USP47: variants seen among roughly 807,000 people sequenced by gnomAD.
The protein encoded by USP47 is ubiquitin carboxyl-terminal hydrolase 47.
USP47 carries 35 observed loss-of-function variants against 165.1 expected under a neutral mutation model. The observed-to-expected ratio is 0.21, with a 90% CI of 0.16 to 0.28. The LOEUF (loss-of-function observed/expected upper bound fraction) is 0.28. Ranked by LOEUF, USP47 falls within the 10% of genes least tolerant of loss-of-function variation. USP47 has a pLI of 1.00. For synonymous variants in USP47, 531 were observed against 544.5 expected (o/e 0.98, Z 0.35); for missense variants, 1,277 against 1,607.4 (o/e 0.79, Z 3.52).
At chr11:11,924,114 CATT>C (rs143537458) in intron 11 of USP47, among the ~76,000 whole-genome samples, 24,008 of 152,180 alleles carry the variant, frequency 0.16, 2,373 homozygotes, top group Admixed American at 0.34. Flanking sequence ...AGTTTCTTAT[CATT>C]GAGTGTGATG....
rs990501752 is a variant in USP47, at chr11:11,903,165, G to T, written c.740-98G>T. 3.4e-6 allele frequency: 4 copies of T among 1,192,920 alleles called. No individual in the cohort carries two copies. In the African/African-American group the frequency reaches 4.7e-5, roughly 14 times the overall value. 73.9% of individuals were successfully genotyped at this position (1,192,920 alleles called of 1,614,324 possible). On this transcript the variant is annotated intron_variant, in intron 6 of 27. Transcript: ENST00000527733. ...TTTTTTAAATTTGGCATTATTTAAG[G>T]TAGACTTCAATATTTCTGTCTATTT...
chr11:11,903,082 A>G (rs1852330507), intron 6 of USP47, among the ~76,000 whole-genome samples, 181 bp from the exon 7 acceptor site: 1 of 152,168 alleles, frequency 6.6e-6, no homozygotes, highest in Non-Finnish European at 1.5e-5. Flanking sequence ...AGAATGCTGC[A>G]ATCTATTTTC....
intron 8 of USP47, 30 bp from the exon 9 acceptor site, chr11:11,920,126 T>C: frequency 6.7e-7 from 1 of 1,498,292 alleles, no homozygotes; most frequent in African/African-American, 1.4e-5. Context: ...ATATTTTAAG[T>C]AATTATAAAA....
In USP47 at chr11:11,857,063, ATATT is replaced by A. The variant is rs543449269; in HGVS notation, c.39+14846_39+14849del. ...AAGGTTATCCACAGTGCTCCAAATA[ATATT>A]TATTTAATAAAAATAAAATATTTAA... On this transcript the variant is annotated intron_variant, in intron 1 of 27. Transcript: ENST00000527733. 5.1e-3 allele frequency among the ~76,000 whole-genome samples: 777 copies of A among 152,204 alleles called. 6 individuals are homozygous for A. The highest frequency in any genetic ancestry group is 0.018 in the African/African-American group (736 of 41,554).
chr11:11,950,556 T>G, intron 24 of USP47, 74 bp downstream of exon 24: 1 of 1,015,096 alleles, frequency 9.9e-7, no homozygotes, highest in East Asian at 2.4e-5. Context: ...TAGTTTTTAA[T>G]CAAATAATGA....
chr11:11,905,323 T>A, intron 7 of USP47, 76 bp from the exon 8 acceptor site: 3 of 1,109,574 alleles, frequency 2.7e-6, no homozygotes, highest in Non-Finnish European at 3.6e-6. Flanking sequence ...TAAACCATTC[T>A]AAAAAGTGTA....
Position 11,902,785 on chromosome 11 carries a change from T to G in USP47, c.664T>G (p.Leu222Val). The G allele has an allele frequency of 1.9e-6, 3 of 1,603,446 alleles. No homozygotes were observed. The South Asian group carries it at 3.4e-5, about 18-fold the overall frequency. ...IPYQLQRLFV[L>V]LQTSKKRAIE... ...ATACCAACTTCAAAGGCTTTTTGTT[T>G]TGTTACAAACCAGCAAAAAGAGAGC... is the stretch of plus-strand genomic sequence containing the variant. Residue 222 changes from leucine (L) to valine (V), a missense_variant, in exon 6 of 28, where the codon TTG becomes GTG. Around this residue, in one of 4 missense-constraint regions of USP47, gnomAD observed 175 missense variants for 295.8 expected, o/e 0.59. Coordinates refer to ENST00000527733, the MANE Select transcript of USP47 (RefSeq NM_001282659.2).
At chr11:11,906,745 A>C (rs1237581208) in intron 8 of USP47, among the ~76,000 whole-genome samples, 1 of 152,078 alleles carries the variant, frequency 6.6e-6, no homozygotes, top group Non-Finnish European at 1.5e-5. Flanking sequence ...TTGGATGGCT[A>C]GTTTTGGTTT....
intron 8 of USP47, 94 bp downstream of exon 8, chr11:11,905,642 A>T: frequency 8.0e-7 from 1 of 1,254,172 alleles, no homozygotes; most frequent in African/African-American, 1.5e-5. Flanking sequence ...ATCATCCTAG[A>T]TACACCTTCT....
In USP47 at chr11:11,933,029, A is replaced by G. The variant is rs749467700; in HGVS notation, c.1677A>G (p.Pro559=). The G allele has an allele frequency of 6.2e-7, 1 of 1,613,280 alleles. No homozygotes were observed. ...NAKFLEVDEY[P]EHIKNLVQKE... is the part of the protein sequence containing the mutation. ...AATTTCTAGAAGTGGATGAATACCC[A>G]GAACATATTAAAAACTTGGTGCAGA... is the stretch of plus-strand genomic sequence containing the variant. Residue 559 remains proline (P), a synonymous_variant, in exon 15 of 28, where the codon CCA becomes CCG. Coordinates refer to ENST00000527733, the MANE Select transcript of USP47 (RefSeq NM_001282659.2).
intron 22 of USP47, 110 bp downstream of exon 22, chr11:11,948,668 T>C: frequency 2.9e-6 from 3 of 1,031,596 alleles, no homozygotes; most frequent in Admixed American, 4.9e-5. Flanking sequence ...GGTCAGCAAA[T>C]TTTTTCTGGG....
intron 11 of USP47, among the ~76,000 whole-genome samples, chr11:11,927,491 G>A (rs1054124427): frequency 2.0e-5 from 3 of 152,086 alleles, no homozygotes; most frequent in Non-Finnish European, 4.4e-5. Flanking sequence ...GACAGAAACC[G>A]TATGGCCCAG....
chr11:11,899,936 C>T (rs554123134), intron 5 of USP47, among the ~76,000 whole-genome samples: 2 of 152,068 alleles, frequency 1.3e-5, no homozygotes, highest in South Asian at 4.2e-4. Flanking sequence ...AGACTATCCA[C>T]AGAGTAGCGC....
At chr11:11,867,175 G>A (rs1215589165) in intron 1 of USP47, among the ~76,000 whole-genome samples, 1 of 152,176 alleles carries the variant, frequency 6.6e-6, no homozygotes, top group Admixed American at 6.5e-5. Flanking sequence ...GGGATTATAG[G>A]CGTGAGCCGC....
Position 11,942,910 on chromosome 11 carries a change from T to A in USP47, c.2889T>A (p.Asn963Lys). ...ACAATGCTCAGATCCCTTTGGCTAA[T>A]GGACTTGACTCTCACAGTATCACAA... is the stretch of plus-strand genomic sequence containing the variant. ...NADNAQIPLA[N>K]GLDSHSITSS... Residue 963 changes from asparagine to lysine, a missense_variant, in exon 20 of 28, where the codon AAT becomes AAA. Physicochemically the swap from Asn to Lys is moderately conservative, Grantham distance 94. Coordinates refer to ENST00000527733, the MANE Select transcript of USP47 (RefSeq NM_001282659.2). 1 of 1,613,592 alleles carries A rather than the reference T, an allele frequency of 6.2e-7. No homozygotes were observed. Among genetic ancestry groups the A allele is most frequent in the Non-Finnish European group, 8.5e-7 (1 of 1,179,706 alleles).
chr11:11,873,789 A>T, intron 1 of USP47: 1 of 1,413,420 alleles, frequency 7.1e-7, no homozygotes, highest in Non-Finnish European at 9.3e-7. Context: ...TTTTGTTCTT[A>T]TATACCATAG....
intron 8 of USP47, among the ~76,000 whole-genome samples, chr11:11,906,388 G>C (rs938206533): frequency 9.2e-5 from 14 of 152,048 alleles, no homozygotes; most frequent in African/African-American, 3.4e-4. Flanking sequence ...TTAAACTGAT[G>C]GTGGCTTGTA....
At chr11:11,954,563 G>A (rs1324906659) in intron 25 of USP47, among the ~76,000 whole-genome samples, 1 of 152,160 alleles carries the variant, frequency 6.6e-6, no homozygotes, top group Non-Finnish European at 1.5e-5. Flanking sequence ...GAGATAAAAT[G>A]TATATTGTTC....
rs904662721 is a variant in USP47, at chr11:11,956,508, G to A, written c.*333G>A. On this transcript the variant is annotated 3_prime_UTR_variant, in exon 28 of 28. Transcript: ENST00000527733. Reference sequence around the variant, plus strand: ...ATTGCGGACAAATGTGCACATAGCCGCTAGTAAAACTAGCCTCAAACAGGA... The same window carrying A: ...ATTGCGGACAAATGTGCACATAGCCACTAGTAAAACTAGCCTCAAACAGGA... 6 of 188,136 alleles carry A rather than the reference G, an allele frequency of 3.2e-5. No homozygotes were observed. Among genetic ancestry groups the A allele is most frequent in the East Asian group, 2.6e-4 (2 of 7,688 alleles). 11.7% of individuals were successfully genotyped at this position (188,136 alleles called of 1,614,324 possible). A position where few individuals can be genotyped will look rare whatever the true frequency, so the allele number is the denominator to read the frequency against.
Sources: gnomAD v4.1 joint callset for allele counts (sites outside exome capture counted in the v4.1 genomes callset) on GRCh38, gnomAD v4.1.1 for gene constraint, gnomAD v4.1.1 regional missense constraint, MANE v1.5 for transcripts, NCBI Gene and HGNC (gene_info 2026-07-23, HGNC 2026-07-21) for gene names.